The following ENTPD4 variants were observed in gnomAD, a reference collection of about 807,000 sequenced individuals.
ENTPD4 encodes the protein Golgi UDPase.
A neutral mutation model predicts 79.1 loss-of-function variants in ENTPD4; 60 were observed. That is an observed-to-expected ratio of 0.76 (90% confidence interval 0.62 to 0.94). The LOEUF (loss-of-function observed/expected upper bound fraction) is 0.94, where lower values mean the gene tolerates loss of function less well. Among genes scored for constraint, ENTPD4 ranks in the 40% least tolerant of loss-of-function variants. ENTPD4 has a pLI of 0.00. For missense variants in ENTPD4, 772 were observed against 775.1 expected, an observed-to-expected ratio of 1.00 and a Z score of 0.05; for synonymous variants, 276 against 292.0, an observed-to-expected ratio of 0.95 and a Z score of 0.56.
chr8:23,434,682 C>T, intron 11 of ENTPD4: 1 of 1,413,256 alleles, frequency 7.1e-7, no homozygotes, highest in East Asian at 2.5e-5. Context: ...AGCAGTTCAC[C>T]TGTCAAATCA....
At chr8:23,441,826 G>T in intron 7 of ENTPD4, 103 bp from the exon 8 acceptor site, 1 of 1,366,392 alleles carries the variant, frequency 7.3e-7, no homozygotes, top group Non-Finnish European at 1.0e-6. Flanking sequence ...GCATATTCAG[G>T]CAAACCCAGT....
At chr8:23,437,740 A>G (rs1031912454) in intron 9 of ENTPD4, among the ~76,000 whole-genome samples, 3 of 152,242 alleles carry the variant, frequency 2.0e-5, no homozygotes, top group African/African-American at 7.2e-5. Context: ...GGGAAAAATT[A>G]GCAAACATCT....
intron 10 of ENTPD4, 132 bp downstream of exon 10, chr8:23,436,802 G>A (rs991789186): frequency 1.3e-6 from 1 of 753,174 alleles, no homozygotes; most frequent in Non-Finnish European, 2.2e-6. Context: ...AAGGGAACAG[G>A]ATCCCAACAT....
At chr8:23,442,820 T>C (rs1211825220) in intron 6 of ENTPD4, among the ~76,000 whole-genome samples, 2 of 152,158 alleles carry the variant, frequency 1.3e-5, no homozygotes, top group African/African-American at 2.4e-5. Flanking sequence ...AATCCATCCC[T>C]GCCCCTATTC....
Position 23,442,086 on chromosome 8 carries a change from TGAAGA to T in ENTPD4, c.668-25_668-21del. 1 of 1,599,288 alleles carries T rather than the reference TGAAGA, an allele frequency of 6.3e-7. No individual in the cohort carries two copies. ...ACACACCTATAGACATTTTACAGGG[TGAAGA>T]GAAGAAAAAGTTTTAAAACATTTTG... On this transcript the variant is annotated intron_variant, in intron 6 of 12. Coordinates refer to ENST00000358689, the MANE Select transcript of ENTPD4 (RefSeq NM_004901.5).
In ENTPD4 at chr8:23,434,374, T is replaced by C. The variant is rs1206451759; in HGVS notation, c.1565A>G (p.Lys522Arg). The C allele has an allele frequency of 9.9e-6, 16 of 1,614,244 alleles. No homozygotes were observed. The highest frequency in any genetic ancestry group is 1.3e-5 in the Non-Finnish European group (15 of 1,180,044). Residue 522 changes from lysine to arginine, a missense_variant, in exon 12 of 13, where the codon AAG (lysine) becomes AGG (arginine). Lys to Arg is a conservative substitution (Grantham distance 26). Transcript: ENST00000358689. ...GGCTCCAAGGGTCCACTGAACCTCC[T>C]TGTCGTAAACTTGCAAGGCAGTCTT... ...SLKTALQVYDKEVQWTLGAIL... is the reference protein window; with the variant it reads ...SLKTALQVYDREVQWTLGAIL...
chr8:23,441,971 C>A, intron 7 of ENTPD4, 36 bp downstream of exon 7: 3 of 1,573,766 alleles, frequency 1.9e-6, no homozygotes, highest in Non-Finnish European at 2.6e-6. Flanking sequence ...GCACCAATTT[C>A]CAACTAGATA....
chr8:23,451,694 C>G (rs977033478), intron 1 of ENTPD4, among the ~76,000 whole-genome samples: 1 of 152,294 alleles, frequency 6.6e-6, no homozygotes, highest in East Asian at 1.9e-4. Context: ...ACCAATGTTC[C>G]GAGTGGTCTT....
chr8:23,456,589 C>T (rs566355680), intron 1 of ENTPD4, among the ~76,000 whole-genome samples: 1 of 152,320 alleles, frequency 6.6e-6, no homozygotes, highest in South Asian at 2.1e-4. Flanking sequence ...ATTCAACATG[C>T]AACAACTACA....
rs1800467490 is a variant in ENTPD4 at position 23,432,228 on chromosome 8, C to T, written c.*698G>A. 1.0e-6 allele frequency: 1 copy of T among 985,306 alleles called. No homozygotes were observed. The highest frequency in any genetic ancestry group is 1.1e-4 in the East Asian group (1 of 8,814). 61.0% of individuals were successfully genotyped at this position (985,306 alleles called of 1,614,324 possible). A position where few individuals can be genotyped will look rare whatever the true frequency, so the allele number is the denominator to read the frequency against. ...CAAGATAGAGAAAAAAGAGGATTATCATTTCAGGCAGTAAGTTTTTTGGTT... is the reference window on the plus strand; with the variant it reads ...CAAGATAGAGAAAAAAGAGGATTATTATTTCAGGCAGTAAGTTTTTTGGTT... On this transcript the variant is annotated 3_prime_UTR_variant, in exon 13 of 13. Coordinates refer to ENST00000358689, the MANE Select transcript of ENTPD4 (RefSeq NM_004901.5).
At chr8:23,433,273 A>G in intron 12 of ENTPD4, 119 bp from the exon 13 acceptor site, 1 of 743,066 alleles carries the variant, frequency 1.3e-6, no homozygotes, top group East Asian at 2.7e-5. Flanking sequence ...CTGCAACCCT[A>G]CCTCTGAAAT....
chr8:23,447,596 T>G, intron 4 of ENTPD4, 84 bp downstream of exon 4: 1 of 1,071,046 alleles, frequency 9.3e-7, no homozygotes. Flanking sequence ...AGGGCCATGG[T>G]GTAGAAAGGG....
At chr8:23,454,455 T>C (rs1365898404) in intron 1 of ENTPD4, among the ~76,000 whole-genome samples, 1 of 152,178 alleles carries the variant, frequency 6.6e-6, no homozygotes, top group East Asian at 1.9e-4. Flanking sequence ...AGTTTGCAGA[T>C]TGCTACAGAG....
At chr8:23,452,653 CCTAT>C (rs1398529553) in intron 1 of ENTPD4, among the ~76,000 whole-genome samples, 3 of 152,186 alleles carry the variant, frequency 2.0e-5, no homozygotes, top group Non-Finnish European at 4.4e-5. Flanking sequence ...TGATCTGGGG[CCTAT>C]CTTTCTGTCT....
chr8:23,448,487 GC>G (rs1800801377), intron 3 of ENTPD4, among the ~76,000 whole-genome samples: 1 of 152,138 alleles, frequency 6.6e-6, no homozygotes, highest in South Asian at 2.1e-4. Context: ...ACTTCAGGGA[GC>G]CCCCTCACCC....
In ENTPD4 at chr8:23,439,751, G is replaced by T; in HGVS notation, c.1047C>A (p.Asn349Lys). The T allele has an allele frequency of 6.2e-7, 1 of 1,614,110 alleles. No homozygotes were observed. The highest frequency in any genetic ancestry group is 1.1e-5 in the South Asian group (1 of 91,080). The part of the protein sequence containing the change: ...DRIFANTIQK[N>K]RLLGKQTGLT... ...CCAAGTAGTGAAAGGTGCTTTACCT[G>T]TTCTTTTGAATGGTGTTGGCAAATA... The change falls in exon 9 of 13, where the codon AAC becomes AAA. Residue 349 changes from asparagine to lysine, a missense_variant and splice_region_variant. Asn to Lys is a moderately conservative substitution (Grantham distance 94). Coordinates refer to ENST00000358689, the MANE Select transcript of ENTPD4 (RefSeq NM_004901.5).
At chr8:23,433,603 G>T (rs1489747845) in intron 12 of ENTPD4, among the ~76,000 whole-genome samples, 1 of 152,198 alleles carries the variant, frequency 6.6e-6, no homozygotes, top group Admixed American at 6.5e-5. Flanking sequence ...CAGGTCAACT[G>T]ACAGCAGATC....
At position 23,444,189 on chromosome 8, in the gene ENTPD4, G is replaced by A. The variant is rs141106052; in HGVS notation, c.564-236C>T. Among the ~76,000 whole-genome samples the A allele has an allele frequency of 4.7e-3, 710 of 152,298 alleles. 4 individuals carry two copies. The highest frequency in any genetic ancestry group is 0.016 in the African/African-American group (682 of 41,574). ...TCTAGATGTAAAACTACAACTGCAA[G>A]CATTCCTTAACTACGTAAAATAGAT... On this transcript the variant is annotated intron_variant, in intron 5 of 12. Transcript: ENST00000358689.
rs1800489905 is a variant in ENTPD4, at chr8:23,433,124, A to T, written c.1653T>A (p.Ser551Arg). The T allele has an allele frequency of 1.9e-6, 3 of 1,614,198 alleles. No individual in the cohort carries two copies. Among genetic ancestry groups the T allele is most frequent in the Non-Finnish European group, 2.5e-6 (3 of 1,180,028 alleles). The change falls in exon 13 of 13, where the codon AGT becomes AGA. Residue 551 changes from serine (S) to arginine (R), a missense_variant. Transcript: ENST00000358689. ...RDIQQEAFRA[S>R]HTHWRGVSFV... is the part of the protein sequence containing the mutation. The stretch of plus-strand genomic sequence containing the variant: ...AGGAAACGCCCCGCCAGTGGGTGTG[A>T]CTGGCTCGGAAGGCCTCCTGCTGGA...
Sources: gnomAD v4.1 joint callset for allele counts (sites outside exome capture counted in the v4.1 genomes callset) on GRCh38, gnomAD v4.1.1 for gene constraint, MANE v1.5 for transcripts, NCBI Gene and HGNC (gene_info 2026-07-23, HGNC 2026-07-21) for gene names.